The following PBX1 variants were observed in gnomAD, a reference collection of about 807,000 sequenced individuals.
The protein encoded by PBX1 is PBX homeobox 1.
PBX1 carries 6 observed loss-of-function variants against 53.4 expected under a neutral mutation model. That is an observed-to-expected ratio of 0.11 (90% CI 0.06 to 0.22). The LOEUF is 0.22. PBX1 is among the 10% of genes least tolerant of loss of function. The probability of loss-of-function intolerance (pLI) is 1.00; values close to 1 mark genes in which losing one functional copy is unlikely to be tolerated. For synonymous variants in PBX1, 204 were observed against 212.3 expected, an observed-to-expected ratio of 0.96 and a Z score of 0.34; for missense variants, 251 against 551.4, an observed-to-expected ratio of 0.46 and a Z score of 5.46.
chr1:164,870,333 CTTTCTTTCTT>C (rs1558053822), intron 2 of PBX1, among the ~76,000 whole-genome samples: 12 of 105,306 alleles, frequency 1.1e-4, no homozygotes, highest in African/African-American at 4.5e-4. Context: ...TTCTTTCTTT[CTTTCTTTCTT>C]TCTTTCTTTC....
intron 2 of PBX1, among the ~76,000 whole-genome samples, chr1:164,588,481 T>TTC (rs1327587847): frequency 9.8e-6 from 1 of 102,442 alleles, no homozygotes; most frequent in East Asian, 2.5e-4. Flanking sequence ...AGCTTTTTTT[T>TTC]TTTTTTTTTT....
chr1:164,782,363 T>G (rs1298560848), intron 2 of PBX1, among the ~76,000 whole-genome samples: 2 of 152,240 alleles, frequency 1.3e-5, no homozygotes, highest in African/African-American at 2.4e-5. Flanking sequence ...GGCTGTCACC[T>G]GGCAGAGGTT....
chr1:164,737,001 T>C (rs1665329748), intron 2 of PBX1, among the ~76,000 whole-genome samples: 1 of 152,086 alleles, frequency 6.6e-6, no homozygotes, highest in South Asian at 2.1e-4. Flanking sequence ...GATTATGAGA[T>C]GAGATAGGAT....
chr1:164,583,918 A>G (rs1429733032), intron 2 of PBX1, among the ~76,000 whole-genome samples: 6 of 152,186 alleles, frequency 3.9e-5, no homozygotes, highest in African/African-American at 2.4e-5. Context: ...TAACTTAAGT[A>G]TAGCATAGCA....
chr1:164,597,621 C>T (rs1007560441), intron 2 of PBX1, among the ~76,000 whole-genome samples: 1 of 152,090 alleles, frequency 6.6e-6, no homozygotes, highest in Non-Finnish European at 1.5e-5. Context: ...TGCCTTGAAG[C>T]CAGGACCTGG....
rs12076821 is a variant in PBX1, at chr1:164,670,637, C to T, written c.265+107326C>T. ...GCATTTGAAGCTGAATGTATCAAGA[C>T]TGCCAAGACTAAGAGAGAGAAAGGG... On this transcript the variant is annotated intron_variant, in intron 2 of 8. Coordinates refer to ENST00000420696, the MANE Select transcript of PBX1 (RefSeq NM_002585.4). 1.4e-3 allele frequency among the ~76,000 whole-genome samples: 209 copies of T among 152,206 alleles called. 2 individuals carry two copies. The highest frequency in any genetic ancestry group is 4.5e-3 in the African/African-American group (188 of 41,510).
chr1:164,572,047 C>G (rs1653919567), intron 2 of PBX1, among the ~76,000 whole-genome samples: 1 of 150,904 alleles, frequency 6.6e-6, no homozygotes, highest in African/African-American at 2.4e-5. Flanking sequence ...GCTGGGATTA[C>G]AGGCATGGGC....
At chr1:164,800,869 G>A (rs906341306) in intron 4 of PBX1, among the ~76,000 whole-genome samples, 1 of 152,106 alleles carries the variant, frequency 6.6e-6, no homozygotes, top group Non-Finnish European at 1.5e-5. Flanking sequence ...CAGGGTCAGT[G>A]TACCATTTCA....
intron 2 of PBX1, among the ~76,000 whole-genome samples, chr1:164,861,372 T>C (rs1476835562): frequency 6.6e-6 from 1 of 152,186 alleles, no homozygotes; most frequent in Non-Finnish European, 1.5e-5. Context: ...GAATCCTAAT[T>C]GTTCTTGAGA....
chr1:164,748,487 G>A lies in PBX1; in HGVS notation c.266-44007G>A, dbSNP rs547025200. 1.8e-3 allele frequency among the ~76,000 whole-genome samples: 276 copies of A among 152,216 alleles called. 8 individuals carry two copies. Among genetic ancestry groups the A allele is most frequent in the Admixed American group, 0.017 (263 of 15,292 alleles). ...CTTAACAGTCATTAGAAGAGGTCAC[G>A]GCAGGCTCTGTGATCTCTATCATCT... is the stretch of plus-strand genomic sequence containing the variant. On this transcript the variant is annotated intron_variant, in intron 2 of 8. Transcript: ENST00000420696.
At chr1:164,799,138 C>A (rs556432035) in intron 3 of PBX1, among the ~76,000 whole-genome samples, 1 of 152,078 alleles carries the variant, frequency 6.6e-6, no homozygotes, top group East Asian at 1.9e-4. Context: ...GTGGTAAAAT[C>A]ATGGGAAAAA....
chr1:164,739,606 T>G (rs1371030382), intron 2 of PBX1, among the ~76,000 whole-genome samples: 1 of 152,210 alleles, frequency 6.6e-6, no homozygotes, highest in African/African-American at 2.4e-5. Context: ...TATGGCAATT[T>G]GCTTAAATTG....
intron 2 of PBX1, chr1:164,682,540 A>G (rs1661843006): frequency 6.6e-6 from 1 of 152,096 alleles, no homozygotes; most frequent in Non-Finnish European, 1.5e-5. Flanking sequence ...TAGTCATTTA[A>G]TAGTTGCTGT....
intron 2 of PBX1, among the ~76,000 whole-genome samples, chr1:164,753,324 C>G (rs1383803862): frequency 6.6e-6 from 1 of 152,190 alleles, no homozygotes; most frequent in Non-Finnish European, 1.5e-5. Flanking sequence ...GTCAGCAACT[C>G]TTAGTCTTTA....
At chr1:164,740,344 T>C (rs916370200) in intron 2 of PBX1, among the ~76,000 whole-genome samples, 8 of 151,854 alleles carry the variant, frequency 5.3e-5, no homozygotes, top group Non-Finnish European at 1.0e-4. Context: ...ATAAATACAT[T>C]TTAAATTATA....
chr1:164,670,876 G>A (rs147380585), intron 2 of PBX1, among the ~76,000 whole-genome samples: 1 of 152,212 alleles, frequency 6.6e-6, no homozygotes, highest in Non-Finnish European at 1.5e-5. Context: ...CCCTGCGCCC[G>A]TGTGCACTTT....
chr1:164,825,037 C>T (rs1420895498), intron 8 of PBX1, among the ~76,000 whole-genome samples: 1 of 152,188 alleles, frequency 6.6e-6, no homozygotes, highest in Non-Finnish European at 1.5e-5. Context: ...TTCAGGGTCT[C>T]TTACATCTGG....
chr1:164,593,865 A>ATT (rs1360099777), intron 2 of PBX1, among the ~76,000 whole-genome samples: 1 of 152,008 alleles, frequency 6.6e-6, no homozygotes, highest in African/African-American at 2.4e-5. Context: ...CTCTCGAGAG[A>ATT]TTGAGCTCCT....
intron 2 of PBX1, among the ~76,000 whole-genome samples, chr1:164,630,238 T>A (rs1658323620): frequency 6.6e-6 from 1 of 152,212 alleles, no homozygotes; most frequent in Non-Finnish European, 1.5e-5. Flanking sequence ...GCATAATTTG[T>A]TCTTGGATGA....
Sources: gnomAD v4.1 joint callset for allele counts (sites outside exome capture counted in the v4.1 genomes callset) on GRCh38, gnomAD v4.1.1 for gene constraint, MANE v1.5 for transcripts, NCBI Gene and HGNC (gene_info 2026-07-23, HGNC 2026-07-21) for gene names.